The following MAGI2 variants were observed in gnomAD, a reference collection of about 807,000 sequenced individuals.
MAGI2 encodes membrane-associated guanylate kinase, WW and PDZ domain-containing protein 2.
MAGI2 carries 35 observed loss-of-function variants against 133.3 expected under a neutral mutation model. The observed-to-expected ratio is 0.26, with a 90% confidence interval of 0.20 to 0.35. The LOEUF is 0.35. MAGI2 is among the 10% of genes least tolerant of loss of function. The pLI is 1.00. For missense variants in MAGI2, 1,636 were observed against 1,863.4 expected, an observed-to-expected ratio of 0.88 and a Z score of 2.25; for synonymous variants, 729 against 710.6, an observed-to-expected ratio of 1.03 and a Z score of -0.41.
At chr7:78,046,185 C>A (rs1811398287) in intron 21 of MAGI2, among the ~76,000 whole-genome samples, 1 of 148,478 alleles carries the variant, frequency 6.7e-6, no homozygotes, top group South Asian at 2.1e-4. Flanking sequence ...CACTTGAGGT[C>A]AGGAGTTTGA....
chr7:78,159,983 A>G, intron 16 of MAGI2, 42 bp downstream of exon 16: 5 of 1,522,518 alleles, frequency 3.3e-6, no homozygotes, highest in South Asian at 1.4e-5. Flanking sequence ...ACAAATCAAA[A>G]CAAGACCCCT....
chr7:78,913,511 T>A (rs987068174), intron 2 of MAGI2, among the ~76,000 whole-genome samples: 23 of 152,290 alleles, frequency 1.5e-4, no homozygotes, highest in African/African-American at 5.3e-4. Context: ...ATTAAAGCTC[T>A]TTTCTTTATA....
chr7:78,783,554 T>C (rs1826564663), intron 2 of MAGI2, among the ~76,000 whole-genome samples: 1 of 152,200 alleles, frequency 6.6e-6, no homozygotes, highest in Admixed American at 6.5e-5. Flanking sequence ...TGGTTTCTAG[T>C]GTTTTTGGAT....
intron 2 of MAGI2, among the ~76,000 whole-genome samples, chr7:78,963,791 A>C (rs796579501): frequency 7.9e-5 from 12 of 152,224 alleles, no homozygotes; most frequent in African/African-American, 2.9e-4. Context: ...ACAATAGATT[A>C]AAACTAGGAG....
intron 5 of MAGI2, among the ~76,000 whole-genome samples, chr7:78,495,321 T>A (rs1793988795): frequency 6.6e-6 from 1 of 152,118 alleles, no homozygotes; most frequent in Admixed American, 6.5e-5. Context: ...GTCCATGTGT[T>A]CTCATTGTTC....
intron 1 of MAGI2, among the ~76,000 whole-genome samples, chr7:79,388,791 T>C (rs951707828): frequency 4.0e-5 from 6 of 150,978 alleles, no homozygotes; most frequent in Non-Finnish European, 7.4e-5. Flanking sequence ...TTTCAATATA[T>C]GTCTTGAAAT....
intron 1 of MAGI2, among the ~76,000 whole-genome samples, chr7:79,075,029 T>C (rs973872984): frequency 2.6e-5 from 4 of 152,220 alleles, no homozygotes; most frequent in Non-Finnish European, 4.4e-5. Context: ...GTTTTTACCT[T>C]ATGGATGTAA....
chr7:78,111,668 A>G (rs1393102605), intron 20 of MAGI2, among the ~76,000 whole-genome samples: 1 of 152,246 alleles, frequency 6.6e-6, no homozygotes, highest in Non-Finnish European at 1.5e-5. Flanking sequence ...GAAAAGAAAA[A>G]GGTAATGGAT....
At chr7:78,747,244 A>T (rs553758399) in intron 2 of MAGI2, among the ~76,000 whole-genome samples, 75 of 152,200 alleles carry the variant, frequency 4.9e-4, no homozygotes, top group Non-Finnish European at 9.3e-4. Flanking sequence ...GGATTAAATA[A>T]TGCGGTTTTA....
intron 1 of MAGI2, among the ~76,000 whole-genome samples, chr7:79,329,522 T>A (rs1001843716): frequency 2.0e-5 from 3 of 152,234 alleles, no homozygotes; most frequent in Non-Finnish European, 4.4e-5. Context: ...TGGTTACTAT[T>A]GATTATAAAG....
At chr7:78,676,472 T>C (rs995597742) in intron 2 of MAGI2, among the ~76,000 whole-genome samples, 4 of 152,174 alleles carry the variant, frequency 2.6e-5, no homozygotes, top group Non-Finnish European at 5.9e-5. Flanking sequence ...AACTGTTTTA[T>C]TGGAAAAGCC....
At chr7:79,371,382 G>GA (rs527817746) in intron 1 of MAGI2, among the ~76,000 whole-genome samples, 16 of 149,034 alleles carry the variant, frequency 1.1e-4, no homozygotes, top group South Asian at 8.5e-4. Flanking sequence ...TTACTAAAAG[G>GA]AAAAAAAAAT....
At chr7:79,247,160 A>C (rs11978438) in intron 1 of MAGI2, among the ~76,000 whole-genome samples, 94,246 of 151,998 alleles carry the variant, frequency 0.62, 30,191 homozygotes, top group Non-Finnish European at 0.7. Flanking sequence ...GAGTTCTTCA[A>C]TCTGAAAGAA....
intron 1 of MAGI2, among the ~76,000 whole-genome samples, chr7:79,081,967 A>T (rs545172447): frequency 9.2e-5 from 14 of 152,242 alleles, no homozygotes; most frequent in Non-Finnish European, 2.1e-4. Flanking sequence ...CTGTTGACAT[A>T]CATTTTCATT....
chr7:79,035,586 T>G (rs1182808667), intron 1 of MAGI2, among the ~76,000 whole-genome samples: 1 of 152,168 alleles, frequency 6.6e-6, no homozygotes, highest in Non-Finnish European at 1.5e-5. Context: ...ATTGTTTCAA[T>G]CAACATCATA....
intron 6 of MAGI2, among the ~76,000 whole-genome samples, chr7:78,442,032 G>C (rs2362596): frequency 0.93 from 141,409 of 152,148 alleles, 66,137 homozygotes; most frequent in East Asian, 0.98. Flanking sequence ...AGAGCCCTAG[G>C]AAAATAAAAG....
chr7:78,905,518 C>T lies in MAGI2; in HGVS notation c.418+101572G>A, dbSNP rs139502354. Reference sequence around the variant, plus strand: ...TATTTAGTGCATTGCCTGGCATTTACTAAGTGCTCAATAATTTGTTATTGC... The same window carrying T: ...TATTTAGTGCATTGCCTGGCATTTATTAAGTGCTCAATAATTTGTTATTGC... On this transcript the variant is annotated intron_variant, in intron 2 of 21. Coordinates refer to ENST00000354212, the MANE Select transcript of MAGI2 (RefSeq NM_012301.4). Among the ~76,000 whole-genome samples the T allele has an allele frequency of 4.8e-3, 734 of 152,316 alleles. 5 individuals carry two copies. Among genetic ancestry groups the T allele is most frequent in the African/African-American group, 0.017 (694 of 41,560 alleles).
intron 9 of MAGI2, among the ~76,000 whole-genome samples, chr7:78,324,387 TCTC>T (rs1238760692): frequency 6.6e-6 from 1 of 152,116 alleles, no homozygotes; most frequent in African/African-American, 2.4e-5. Context: ...TGTTGACTGT[TCTC>T]CTGGAAGGTA....
chr7:78,592,720 G>A (rs1205034274), intron 3 of MAGI2, among the ~76,000 whole-genome samples: 2 of 151,906 alleles, frequency 1.3e-5, no homozygotes, highest in African/African-American at 4.8e-5. Context: ...GAGGGAATGC[G>A]TGTCCATGAT....
Sources: allele counts gnomAD v4.1 joint callset (sites outside exome capture counted in the v4.1 genomes callset), GRCh38; gene constraint gnomAD v4.1.1; transcripts MANE v1.5; gene names NCBI Gene and HGNC (gene_info 2026-07-23, HGNC 2026-07-21).